The following FAM171A1 variants were observed in gnomAD, a reference collection of about 807,000 sequenced individuals.
FAM171A1 encodes the protein protein FAM171A1.
In FAM171A1, 23 loss-of-function variants were observed where a neutral mutation model predicts 74.9. The observed-to-expected ratio is 0.31, with a 90% CI of 0.22 to 0.44. The LOEUF (loss-of-function observed/expected upper bound fraction) is 0.44. FAM171A1 is among the 20% of genes least tolerant of loss of function. FAM171A1 has a pLI of 1.00. For missense variants in FAM171A1, 1,162 were observed against 1,159.2 expected (o/e 1.00, Z -0.03); for synonymous variants, 527 against 505.7 (o/e 1.04, Z -0.57).
intron 5 of FAM171A1, among the ~76,000 whole-genome samples, chr10:15,244,781 A>C (rs1834410157): frequency 6.6e-6 from 1 of 152,124 alleles, no homozygotes; most frequent in African/African-American, 2.4e-5. Flanking sequence ...GGGAGGGCAC[A>C]GGGAGTAACT....
chr10:15,316,568 G>A (rs1835424693), intron 1 of FAM171A1, among the ~76,000 whole-genome samples: 1 of 152,140 alleles, frequency 6.6e-6, no homozygotes, highest in African/African-American at 2.4e-5. Context: ...TGATAGAATG[G>A]ACAGGACACC....
intron 1 of FAM171A1, among the ~76,000 whole-genome samples, chr10:15,323,906 A>G (rs1252804806): frequency 6.6e-6 from 1 of 152,208 alleles, no homozygotes; most frequent in African/African-American, 2.4e-5. Flanking sequence ...ACTTGCCAGG[A>G]AAGACTTCCA....
At chr10:15,358,365 A>G (rs527927190) in intron 1 of FAM171A1, among the ~76,000 whole-genome samples, 2 of 152,320 alleles carry the variant, frequency 1.3e-5, no homozygotes, top group East Asian at 3.9e-4. Flanking sequence ...ATTTCAGAGC[A>G]AAGAAAGCCC....
intron 1 of FAM171A1, among the ~76,000 whole-genome samples, chr10:15,335,538 G>A (rs181552534): frequency 6.6e-6 from 1 of 152,138 alleles, no homozygotes; most frequent in Non-Finnish European, 1.5e-5. Flanking sequence ...CAAAACATGG[G>A]CCAAGGGAGA....
intron 1 of FAM171A1, among the ~76,000 whole-genome samples, chr10:15,365,746 G>A (rs574417623): frequency 1.1e-3 from 152 of 144,304 alleles, no homozygotes; most frequent in African/African-American, 3.8e-3. Flanking sequence ...CTCCAGCCTG[G>A]GGGACACAGT....
intron 1 of FAM171A1, among the ~76,000 whole-genome samples, chr10:15,291,829 C>T (rs114984486): frequency 0.01 from 1,573 of 152,258 alleles, 27 homozygotes; most frequent in African/African-American, 0.036. Context: ...CACTCTCCCC[C>T]AGATACCCAG....
At chr10:15,306,891 A>C (rs937470803) in intron 1 of FAM171A1, among the ~76,000 whole-genome samples, 1 of 152,178 alleles carries the variant, frequency 6.6e-6, no homozygotes, top group African/African-American at 2.4e-5. Context: ...ATCCATCATG[A>C]CTAACACTCC....
Position 15,268,749 on chromosome 10 carries a change from T to C in FAM171A1, c.418+7106A>G, listed in dbSNP as rs550341472. On this transcript the variant is annotated intron_variant, in intron 3 of 7. Transcript: ENST00000378116. ...CTCCCAAGAAGAAGGGACCAAGAGATAGAAAGAAAGAAAGTTGGGCCAGGC... is the reference window on the plus strand; with the variant it reads ...CTCCCAAGAAGAAGGGACCAAGAGACAGAAAGAAAGAAAGTTGGGCCAGGC... Among the ~76,000 whole-genome samples the C allele has an allele frequency of 1.1e-4, 17 of 152,012 alleles. No individual in the cohort carries two copies. In the East Asian group the frequency reaches 1.9e-3, roughly 17 times the overall value.
In FAM171A1 at chr10:15,335,353, C is replaced by A. The variant is rs138740796; in HGVS notation, c.97+35603G>T. 7.2e-3 allele frequency among the ~76,000 whole-genome samples: 1,092 copies of A among 152,292 alleles called. 12 individuals are homozygous for A. Among genetic ancestry groups the A allele is most frequent in the Non-Finnish European group, 0.012 (802 of 68,016 alleles). ...ACACACACACTCAAACAAGTTACCT[C>A]ATTTTAACAGTGTTCTCATTACTTT... On this transcript the variant is annotated intron_variant, in intron 1 of 7. Coordinates refer to ENST00000378116, the MANE Select transcript of FAM171A1 (RefSeq NM_001010924.2).
Position 15,213,548 on chromosome 10 carries a change from C to T in FAM171A1, c.2040G>A (p.Gln680=). The change falls in exon 8 of 8, where the codon CAG becomes CAA. Residue 680 remains glutamine, a synonymous_variant. Coordinates refer to ENST00000378116, the MANE Select transcript of FAM171A1 (RefSeq NM_001010924.2). This position sits in a 1 kb window ranked among gnomAD's most constrained non-coding sequence, Gnocchi z 6.8. The stretch of plus-strand genomic sequence containing the variant: ...TCAGGAGCTGCACCTCACTGTTCAT[C>T]TGAGCCAAAGCCGCGTCGTTCAGGG... ...PASLNDAALA[Q]MNSEVQLLTE... is the part of the protein sequence containing the mutation. 6.2e-7 allele frequency: 1 copy of T among 1,614,170 alleles called. No individual in the cohort carries two copies. The highest frequency in any genetic ancestry group is 8.5e-7 in the Non-Finnish European group (1 of 1,180,024).
intron 1 of FAM171A1, among the ~76,000 whole-genome samples, chr10:15,314,561 G>A (rs933040931): frequency 3.3e-5 from 5 of 152,170 alleles, no homozygotes; most frequent in African/African-American, 1.2e-4. Context: ...TCTCGTTGAA[G>A]CAATCAGACC....
intron 2 of FAM171A1, among the ~76,000 whole-genome samples, chr10:15,276,439 A>G (rs1564630606): frequency 6.6e-6 from 1 of 152,230 alleles, no homozygotes; most frequent in Admixed American, 6.5e-5. Context: ...TTGGCCTCCC[A>G]AAGTGTTGGG....
intron 1 of FAM171A1, among the ~76,000 whole-genome samples, chr10:15,364,424 T>C (rs1836034054): frequency 6.6e-6 from 1 of 152,220 alleles, no homozygotes; most frequent in Non-Finnish European, 1.5e-5. Context: ...GGTGGAATTC[T>C]GGTAAACCGA....
Position 15,244,544 on chromosome 10 carries a change from C to T in FAM171A1, c.754+4095G>A, listed in dbSNP as rs532852653. Among the ~76,000 whole-genome samples the T allele has an allele frequency of 4.6e-5, 7 of 152,208 alleles. No individual in the cohort carries two copies. In the South Asian group the frequency reaches 1.2e-3, roughly 27 times the overall value. ...TTAAAAACAAAAGAAAACAAAAAACCCTAAAATTATTCTCATGTGATTCAA... is the reference window on the plus strand; with the variant it reads ...TTAAAAACAAAAGAAAACAAAAAACTCTAAAATTATTCTCATGTGATTCAA... On this transcript the variant is annotated intron_variant, in intron 5 of 7. Transcript: ENST00000378116.
chr10:15,308,972 G>A (rs988013150), intron 1 of FAM171A1, among the ~76,000 whole-genome samples: 4 of 151,920 alleles, frequency 2.6e-5, no homozygotes, highest in Non-Finnish European at 5.9e-5. Context: ...GGCTGACAAA[G>A]CCTATTTTAA....
At chr10:15,332,080 G>A (rs1173535209) in intron 1 of FAM171A1, among the ~76,000 whole-genome samples, 1 of 151,612 alleles carries the variant, frequency 6.6e-6, no homozygotes, top group Non-Finnish European at 1.5e-5. Context: ...CTCCCAGGTA[G>A]TAGCTGGGAT....
At chr10:15,243,487 A>C (rs1000825518) in intron 5 of FAM171A1, among the ~76,000 whole-genome samples, 1 of 152,214 alleles carries the variant, frequency 6.6e-6, no homozygotes, top group African/African-American at 2.4e-5. Context: ...AAGTCCACCG[A>C]GGAAAGCAAG....
intron 5 of FAM171A1, among the ~76,000 whole-genome samples, chr10:15,232,273 G>T (rs530051076): frequency 4.6e-5 from 7 of 152,154 alleles, no homozygotes; most frequent in African/African-American, 1.2e-4. Flanking sequence ...GTGTTGTTAG[G>T]ATCTCAGCTC....
chr10:15,330,079 C>T (rs775572079), intron 1 of FAM171A1, among the ~76,000 whole-genome samples: 7 of 152,184 alleles, frequency 4.6e-5, no homozygotes, highest in Non-Finnish European at 8.8e-5. Context: ...TGGTGGCTCA[C>T]ACCTGTAATC....
Sources: gnomAD v4.1 joint callset for allele counts (sites outside exome capture counted in the v4.1 genomes callset) on GRCh38, gnomAD v4.1.1 for gene constraint, Gnocchi (gnomAD v3.1) non-coding constraint, MANE v1.5 for transcripts, NCBI Gene and HGNC (gene_info 2026-07-23, HGNC 2026-07-21) for gene names.